Variants in YIPF6 observed in about 807,000 individuals in gnomAD.
YIPF6 encodes Yip1 domain family member 6.
Under a neutral mutation model 16.8 loss-of-function variants are expected in YIPF6, and 3 were observed. The observed-to-expected ratio is 0.18, with a 90% CI of 0.08 to 0.46. The LOEUF is 0.46. Ranked by LOEUF, YIPF6 falls within the 20% of genes least tolerant of loss-of-function variation. YIPF6 has a pLI of 0.98. For synonymous variants in YIPF6, 67 were observed against 61.9 expected, an observed-to-expected ratio of 1.08 and a Z score of -0.38; for missense variants, 145 against 184.9, an observed-to-expected ratio of 0.78 and a Z score of 1.25.
At chrX:68,519,165 A>G (rs2079116058) in intron 4 of YIPF6, among the ~76,000 whole-genome samples, 1 of 112,307 alleles carries the variant, frequency 8.9e-6, no homozygotes, top group African/African-American at 3.2e-5. Flanking sequence ...TAATCTTACT[A>G]AAAATATGAA....
At chrX:68,515,786 A>G (rs1265596398) in intron 3 of YIPF6, among the ~76,000 whole-genome samples, 2 of 110,564 alleles carry the variant, frequency 1.8e-5, no homozygotes, top group Non-Finnish European at 3.8e-5. Flanking sequence ...CTCCCACCTC[A>G]GGCTCCCATG....
intron 4 of YIPF6, among the ~76,000 whole-genome samples, chrX:68,520,886 A>G (rs1216235979): frequency 1.8e-5 from 2 of 111,775 alleles, no homozygotes; most frequent in African/African-American, 6.5e-5. Flanking sequence ...GGTGACTGTA[A>G]GCCCCTTGTA....
chrX:68,522,672 C>T (rs1368863426), intron 5 of YIPF6, 88 bp from the exon 6 acceptor site: 10 of 878,737 alleles, frequency 1.1e-5, no homozygotes, highest in Non-Finnish European at 1.6e-5. Context: ...GGCAACATTC[C>T]GTTACATAGA....
intron 2 of YIPF6, among the ~76,000 whole-genome samples, chrX:68,512,856 A>G (rs1371472730): frequency 2.0e-5 from 2 of 102,417 alleles, no homozygotes; most frequent in Non-Finnish European, 2.0e-5. Flanking sequence ...TGTATCTGGC[A>G]TCTAGGATTC....
intron 4 of YIPF6, among the ~76,000 whole-genome samples, chrX:68,519,359 C>T (rs2079116891): frequency 9.0e-6 from 1 of 111,706 alleles, no homozygotes; most frequent in African/African-American, 3.2e-5. Flanking sequence ...TCTGAGTTCG[C>T]ATTCTGACTC....
intron 6 of YIPF6, among the ~76,000 whole-genome samples, chrX:68,529,913 C>G (rs893865131): frequency 8.9e-6 from 1 of 111,924 alleles, no homozygotes; most frequent in Admixed American, 9.4e-5. Flanking sequence ...TGTCCGTCAA[C>G]CCCTGCTGGG....
intron 1 of YIPF6, among the ~76,000 whole-genome samples, chrX:68,505,976 TG>T (rs1231666202): frequency 9.0e-6 from 1 of 111,600 alleles, no homozygotes; most frequent in Non-Finnish European, 1.9e-5. Flanking sequence ...TGGCCTTTTT[TG>T]TTCCAAGATC....
chrX:68,528,960 G>A (rs1354821609), intron 6 of YIPF6, among the ~76,000 whole-genome samples: 2 of 111,054 alleles, frequency 1.8e-5, no homozygotes, highest in Non-Finnish European at 3.8e-5. Context: ...GTGTCTTGGG[G>A]TTGTTCTTCT....
chrX:68,520,619 G>A (rs924129455), intron 4 of YIPF6, among the ~76,000 whole-genome samples: 3 of 111,200 alleles, frequency 2.7e-5, no homozygotes, highest in East Asian at 5.6e-4. Flanking sequence ...CTATAGGCGT[G>A]TACCACCATG....
chrX:68,531,247 C>A (rs1019422256), intron 6 of YIPF6, among the ~76,000 whole-genome samples: 1 of 111,191 alleles, frequency 9.0e-6, no homozygotes, highest in Admixed American at 9.6e-5. Context: ...GCCTCAGCCA[C>A]CCGAGTAGCT....
At chrX:68,531,769 G>C in intron 6 of YIPF6, 112 bp from the exon 7 acceptor site, 2 of 475,983 alleles carry the variant, frequency 4.2e-6, no homozygotes, top group Non-Finnish European at 6.8e-6. Flanking sequence ...AACTTTTAGT[G>C]TAATTCTGTG....
chrX:68,525,490 T>C (rs2079144067), intron 6 of YIPF6, among the ~76,000 whole-genome samples: 1 of 112,235 alleles, frequency 8.9e-6, no homozygotes, highest in South Asian at 3.6e-4. Context: ...TTAGTTTAAT[T>C]AGATCCCATT....
chrX:68,512,072 G>T (rs1286042819), intron 2 of YIPF6, 95 bp downstream of exon 2: 3 of 934,112 alleles, frequency 3.2e-6, no homozygotes, highest in Non-Finnish European at 4.3e-6. Context: ...CACTGATTTT[G>T]AATATATTTT....
At chrX:68,499,334 T>G (rs2079032185) in intron 1 of YIPF6, among the ~76,000 whole-genome samples, 1 of 112,479 alleles carries the variant, frequency 8.9e-6, no homozygotes, top group Non-Finnish European at 1.9e-5. Context: ...CAGGTCTTTT[T>G]GTGAAACTCC....
chrX:68,534,008 C>T lies in YIPF6; in HGVS notation c.*2009C>T, dbSNP rs1227193635. The stretch of plus-strand genomic sequence containing the variant: ...CCTAAGGCCACAGCTTTGGGGGGTT[C>T]GTGTAGATGTACATGGTGGGTGGGT... On this transcript the variant is annotated 3_prime_UTR_variant, in exon 7 of 7. Transcript: ENST00000462683. The T allele has an allele frequency of 8.9e-6, 1 of 111,755 alleles. No homozygotes were observed. Among genetic ancestry groups the T allele is most frequent in the Non-Finnish European group, 1.9e-5 (1 of 53,113 alleles). 9.2% of individuals were successfully genotyped at this position (111,755 alleles called of 1,213,427 possible). A position where few individuals can be genotyped will look rare whatever the true frequency, so the allele number is the denominator to read the frequency against.
intron 1 of YIPF6, among the ~76,000 whole-genome samples, chrX:68,500,499 G>A (rs978642932): frequency 1.5e-4 from 17 of 110,757 alleles, no homozygotes; most frequent in African/African-American, 5.6e-4. Context: ...TATTTTTGTA[G>A]AGACGGGCTT....
intron 1 of YIPF6, among the ~76,000 whole-genome samples, chrX:68,500,738 C>T (rs2079038263): frequency 2.7e-5 from 3 of 111,742 alleles, no homozygotes; most frequent in Non-Finnish European, 5.6e-5. Context: ...ACTCACTCAA[C>T]AAATATTTAT....
At position 68,521,353 on chromosome X, in the gene YIPF6, C is replaced by G. The variant is rs370865114; in HGVS notation, c.309-19C>G. The stretch of plus-strand genomic sequence containing the variant: ...TAAGTAAAAGATTAAGCAATTCTTA[C>G]GCTGTTTCCTTTTCTCAGAATGCTG... On this transcript the variant is annotated intron_variant, in intron 4 of 6. Coordinates refer to ENST00000462683, the MANE Select transcript of YIPF6 (RefSeq NM_173834.4). 8.3e-6 allele frequency: 10 copies of G among 1,202,355 alleles called. No homozygotes were observed. The African/African-American group carries it at 1.8e-4, about 21-fold the overall frequency.
chrX:68,510,538 A>T (rs1387986047), intron 1 of YIPF6: 1 of 108,959 alleles, frequency 9.2e-6, no homozygotes, highest in Non-Finnish European at 1.9e-5. Flanking sequence ...AGTGTGGTTA[A>T]GAAATTGTTT....
Sources: gnomAD v4.1 joint callset for allele counts (sites outside exome capture counted in the v4.1 genomes callset) on GRCh38, gnomAD v4.1.1 for gene constraint, MANE v1.5 for transcripts, NCBI Gene and HGNC (gene_info 2026-07-23, HGNC 2026-07-21) for gene names.